The following TRAPPC10 variants were observed in gnomAD, a reference collection of about 807,000 sequenced individuals.
TRAPPC10 encodes the protein TRAPP 130 kDa subunit.
TRAPPC10 carries 23 observed loss-of-function variants against 125.5 expected under a neutral mutation model. That is an observed-to-expected ratio of 0.18 (90% confidence interval 0.13 to 0.26). The LOEUF (loss-of-function observed/expected upper bound fraction) is 0.26, where lower values mean the gene tolerates loss of function less well. Ranked by LOEUF, TRAPPC10 falls within the 10% of genes least tolerant of loss-of-function variation. The pLI, the probability that TRAPPC10 is intolerant of heterozygous loss-of-function variation, is 1.00. For synonymous variants in TRAPPC10, 509 were observed against 518.0 expected, an observed-to-expected ratio of 0.98 and a Z score of 0.24; for missense variants, 1,123 against 1,308.4, an observed-to-expected ratio of 0.86 and a Z score of 2.19.
intron 1 of TRAPPC10, among the ~76,000 whole-genome samples, chr21:44,022,103 C>CTTTTGT (rs751481970): frequency 1.8e-5 from 2 of 111,246 alleles, no homozygotes; most frequent in African/African-American, 6.8e-5. Flanking sequence ...TTCTTTCTTT[C>CTTTTGT]TTTTGTTTTT....
intron 1 of TRAPPC10, among the ~76,000 whole-genome samples, chr21:44,016,883 C>T (rs951286458): frequency 2.0e-5 from 3 of 151,822 alleles, no homozygotes; most frequent in Admixed American, 2.0e-4. Flanking sequence ...TGGTCTTGAT[C>T]TGACCTTGTG....
chr21:44,063,077 G>A lies in TRAPPC10; in HGVS notation c.791-461G>A. ...GGAGCTTGACTCAGGGACGTGACGT[G>A]GTTGAGTTAGGGAAATAAGGAAGGA... On this transcript the variant is annotated intron_variant, in intron 6 of 22. Coordinates refer to ENST00000291574, the MANE Select transcript of TRAPPC10 (RefSeq NM_003274.5). The surrounding 1 kb of genome is among the most constrained non-coding windows in gnomAD (Gnocchi z 4.4). 7.7e-7 allele frequency: 1 copy of A among 1,304,372 alleles called. No individual in the cohort carries two copies. The allele number at this position is 1,304,372 out of a possible 1,614,324, so 80.8% of individuals were successfully genotyped here.
At chr21:44,095,547 G>T (rs897648676) in intron 20 of TRAPPC10, among the ~76,000 whole-genome samples, 2 of 147,500 alleles carry the variant, frequency 1.4e-5, no homozygotes, top group African/African-American at 2.5e-5. Context: ...TAAAGTATGG[G>T]TTTTTTTTTG....
intron 1 of TRAPPC10, among the ~76,000 whole-genome samples, chr21:44,014,744 A>G (rs2031624062): frequency 6.6e-6 from 1 of 152,106 alleles, no homozygotes; most frequent in Non-Finnish European, 1.5e-5. Flanking sequence ...AACATAGTGA[A>G]TGTTAATCTC....
chr21:44,068,132 A>AAAG (rs1293553502), intron 7 of TRAPPC10, among the ~76,000 whole-genome samples: 1 of 152,092 alleles, frequency 6.6e-6, no homozygotes, highest in African/African-American at 2.4e-5. Flanking sequence ...AAAAAAAAAA[A>AAAG]AAGGACTCAT....
intron 13 of TRAPPC10, 87 bp downstream of exon 13, chr21:44,080,214 G>A: frequency 8.8e-7 from 1 of 1,130,698 alleles, no homozygotes; most frequent in Non-Finnish European, 1.3e-6. Context: ...ACCACTTACA[G>A]TAAACAGTTG....
chr21:44,078,126 A>G (rs1211484382), intron 11 of TRAPPC10, among the ~76,000 whole-genome samples: 1 of 152,192 alleles, frequency 6.6e-6, no homozygotes, highest in Non-Finnish European at 1.5e-5. Flanking sequence ...GCATTTCTCT[A>G]ATTTTATCAA....
chr21:44,084,618 T>C (rs943143484), intron 15 of TRAPPC10, among the ~76,000 whole-genome samples: 2 of 152,124 alleles, frequency 1.3e-5, no homozygotes. Context: ...TGCAGGGATT[T>C]CCCCCTGCCA....
chr21:44,052,960 T>G (rs1452367704), intron 4 of TRAPPC10, among the ~76,000 whole-genome samples: 3 of 152,184 alleles, frequency 2.0e-5, no homozygotes, highest in African/African-American at 7.2e-5. Context: ...TTTCTCCGCC[T>G]TGCCCTGCTC....
At chr21:44,085,032 T>C (rs2038032904) in intron 15 of TRAPPC10, among the ~76,000 whole-genome samples, 1 of 152,148 alleles carries the variant, frequency 6.6e-6, no homozygotes, top group Non-Finnish European at 1.5e-5. Flanking sequence ...TTTATGGAAG[T>C]GACATTACAC....
rs2038212579 is a variant in TRAPPC10 at position 44,087,384 on chromosome 21, T to G, written c.2540-315T>G. Among the ~76,000 whole-genome samples the G allele has an allele frequency of 6.6e-6, 1 of 151,518 alleles. No homozygotes were observed. The highest frequency in any genetic ancestry group is 1.5e-5 in the Non-Finnish European group (1 of 67,856). The stretch of plus-strand genomic sequence containing the variant: ...AGGGGAGGACCCTGCTCCCCTGGGG[T>G]GGGGGTGGATCTGCGGATGAGCTGG... On this transcript the variant is annotated intron_variant, in intron 16 of 22. Coordinates refer to ENST00000291574, the MANE Select transcript of TRAPPC10 (RefSeq NM_003274.5). The surrounding 1 kb of genome is among the most constrained non-coding windows in gnomAD (Gnocchi z 4.6).
intron 19 of TRAPPC10, among the ~76,000 whole-genome samples, chr21:44,093,170 T>C (rs1686743359): frequency 6.6e-6 from 1 of 152,174 alleles, no homozygotes; most frequent in South Asian, 2.1e-4. Flanking sequence ...ATATATTAAT[T>C]AATATCCTTT....
In TRAPPC10 at chr21:44,071,104, G is replaced by C. The variant is rs184346709; in HGVS notation, c.1039-3220G>C. ...GGTTGAATCTTAAAGATACTGTGTG[G>C]AATTAAAGAAGCCCCATGCACAAAG... On this transcript the variant is annotated intron_variant, in intron 7 of 22. Transcript: ENST00000291574. 8.5e-5 allele frequency among the ~76,000 whole-genome samples: 13 copies of C among 152,294 alleles called. No individual in the cohort carries two copies. The East Asian group carries it at 2.5e-3, about 29-fold the overall frequency.
chr21:44,015,874 A>G (rs1012932011), intron 1 of TRAPPC10, among the ~76,000 whole-genome samples: 3 of 152,314 alleles, frequency 2.0e-5, no homozygotes, highest in African/African-American at 4.8e-5. Context: ...TCGGCCTCCC[A>G]AAGTGCTGGG....
At chr21:44,072,191 G>T (rs2036916717) in intron 7 of TRAPPC10, among the ~76,000 whole-genome samples, 2 of 152,228 alleles carry the variant, frequency 1.3e-5, no homozygotes, top group Admixed American at 6.5e-5. Flanking sequence ...TGGCATTTTG[G>T]TGGTATCATT....
At chr21:44,027,105 C>T (rs1321544166) in intron 1 of TRAPPC10, among the ~76,000 whole-genome samples, 1 of 152,140 alleles carries the variant, frequency 6.6e-6, no homozygotes, top group Non-Finnish European at 1.5e-5. Context: ...GTTCCTTTTA[C>T]CAAGATTATG....
chr21:44,035,043 C>T (rs768407985), intron 2 of TRAPPC10, among the ~76,000 whole-genome samples: 16 of 152,236 alleles, frequency 1.1e-4, no homozygotes, highest in Non-Finnish European at 1.8e-4. Context: ...TCTGGAAACT[C>T]ATGCAGGAGG....
chr21:44,025,822 GTGT>G (rs2032993127), intron 1 of TRAPPC10, among the ~76,000 whole-genome samples: 1 of 602 alleles, frequency 1.7e-3, no homozygotes, highest in Non-Finnish European at 4.6e-3. Context: ...GAGGGCAGGG[GTGT>G]GTGTGTGTGT....
chr21:44,069,364 C>T (rs1752543176), intron 7 of TRAPPC10, among the ~76,000 whole-genome samples: 1 of 152,092 alleles, frequency 6.6e-6, no homozygotes, highest in Admixed American at 6.5e-5. Context: ...GAAAAACAGG[C>T]AAGAGAGGAA....
Sources: gnomAD v4.1 joint callset for allele counts (sites outside exome capture counted in the v4.1 genomes callset) on GRCh38, gnomAD v4.1.1 for gene constraint, Gnocchi (gnomAD v3.1) non-coding constraint, MANE v1.5 for transcripts, NCBI Gene and HGNC (gene_info 2026-07-23, HGNC 2026-07-21) for gene names.